The following STX18 variants were observed in gnomAD, a reference collection of about 807,000 sequenced individuals.
STX18 encodes the protein syntaxin 18.
A neutral mutation model predicts 50.1 loss-of-function variants in STX18; 40 were observed. The ratio of observed to expected loss-of-function variants is 0.80; its 90% CI spans 0.62 to 1.04. The LOEUF (loss-of-function observed/expected upper bound fraction) is 1.04. Ranked by LOEUF, STX18 falls within the 50% of genes least tolerant of loss-of-function variation. The pLI is 0.00. For missense variants in STX18, 410 were observed against 415.8 expected (o/e 0.99, Z 0.12); for synonymous variants, 158 against 151.8 (o/e 1.04, Z -0.30).
At chr4:4,534,986 G>T (rs1004684109) in intron 1 of STX18, among the ~76,000 whole-genome samples, 1 of 152,146 alleles carries the variant, frequency 6.6e-6, no homozygotes, top group Non-Finnish European at 1.5e-5. Flanking sequence ...CCCTCACCCG[G>T]GCCTCCTCCA....
At chr4:4,518,563 T>C (rs1038047370) in intron 1 of STX18, among the ~76,000 whole-genome samples, 1 of 152,290 alleles carries the variant, frequency 6.6e-6, no homozygotes, top group African/African-American at 2.4e-5. Flanking sequence ...TTACCAAAAA[T>C]TGTGCCTTAA....
At chr4:4,461,574 G>C (rs1727380542) in intron 2 of STX18, among the ~76,000 whole-genome samples, 1 of 152,198 alleles carries the variant, frequency 6.6e-6, no homozygotes, top group Admixed American at 6.5e-5. Context: ...TCAATTCCAT[G>C]ATCATACTCC....
intron 7 of STX18, among the ~76,000 whole-genome samples, chr4:4,429,673 G>A (rs1205458004): frequency 6.6e-6 from 1 of 152,218 alleles, no homozygotes; most frequent in African/African-American, 2.4e-5. Flanking sequence ...TGTGACAGTA[G>A]ACGGACTCTG....
chr4:4,434,746 T>C (rs779910141), intron 7 of STX18, 24 bp downstream of exon 7: 5 of 1,579,594 alleles, frequency 3.2e-6, no homozygotes, highest in Non-Finnish European at 4.3e-6. Context: ...TAAAAATAAA[T>C]AATTAGGCAG....
chr4:4,485,415 C>T (rs992787797), intron 1 of STX18, among the ~76,000 whole-genome samples: 22 of 152,204 alleles, frequency 1.4e-4, no homozygotes, highest in Non-Finnish European at 2.8e-4. Flanking sequence ...GGCCACAAGG[C>T]CACTCTGGAC....
At chr4:4,449,026 T>TCCCTTGGA (rs1455363290) in intron 5 of STX18, among the ~76,000 whole-genome samples, 8 of 147,946 alleles carry the variant, frequency 5.4e-5, no homozygotes, top group African/African-American at 2.0e-4. Context: ...CTTCCATTTC[T>TCCCTTGGA]CCCTTGGACC....
At chr4:4,535,943 A>C (rs1731309209) in intron 1 of STX18, among the ~76,000 whole-genome samples, 1 of 152,252 alleles carries the variant, frequency 6.6e-6, no homozygotes, top group Non-Finnish European at 1.5e-5. Context: ...CAACACTGGC[A>C]CAGAAAGTCA....
chr4:4,466,489 G>A (rs79446193), intron 2 of STX18, among the ~76,000 whole-genome samples: 175 of 152,310 alleles, frequency 1.1e-3, no homozygotes, highest in African/African-American at 4.1e-3. Context: ...CATCTACGAT[G>A]ATAAGGACTA....
Position 4,419,082 on chromosome 4 carries a change from T to C in STX18, c.*952A>G, listed in dbSNP as rs2108763191. On this transcript the variant is annotated 3_prime_UTR_variant, in exon 11 of 11. Transcript: ENST00000306200. ...TACCTGTGCTGCCCAGTGGACTGTC[T>C]GTACACACACGCATTTCACCAGGCG... 6.6e-6 allele frequency: 1 copy of C among 152,402 alleles called. No homozygotes were observed. The allele number at this position is 152,402 out of a possible 1,614,324, so 9.4% of individuals were successfully genotyped here. A position where few individuals can be genotyped will look rare whatever the true frequency, so the allele number is the denominator to read the frequency against.
intron 9 of STX18, among the ~76,000 whole-genome samples, chr4:4,422,218 A>G (rs998690122): frequency 5.9e-5 from 9 of 151,272 alleles, no homozygotes; most frequent in Non-Finnish European, 1.0e-4. Flanking sequence ...AATATGAACT[A>G]CAATGCAACA....
At position 4,471,658 on chromosome 4, in the gene STX18, C is replaced by A. The variant is rs773369139; in HGVS notation, c.217G>T (p.Asp73Tyr). The A allele has an allele frequency of 3.2e-6, 5 of 1,580,536 alleles. No homozygotes were observed. The Admixed American group carries it at 1.0e-4, about 32-fold the overall frequency. ...LRDFLLEHRK[D>Y]YINAYSHTMS... ...ACTTACCTATAAGCATTAATATAATCTTTCCTGTGTTCCAGAAGAAAATCT... is the reference window on the plus strand; with the variant it reads ...ACTTACCTATAAGCATTAATATAATATTTCCTGTGTTCCAGAAGAAAATCT... Residue 73 changes from aspartate to tyrosine, a missense_variant, in exon 2 of 11, where the codon GAT (aspartate) becomes TAT (tyrosine). Transcript: ENST00000306200.
Position 4,457,514 on chromosome 4 carries a change from A to T in STX18, c.353-14T>A. ...TCTCCTTGTGAGCTGTAACAGAAAAAGACAATGTTCAGGCCTTCGCACTCA... is the reference window on the plus strand; with the variant it reads ...TCTCCTTGTGAGCTGTAACAGAAAATGACAATGTTCAGGCCTTCGCACTCA... On this transcript the variant is annotated splice_polypyrimidine_tract_variant and intron_variant, in intron 3 of 10. Transcript: ENST00000306200. 1 of 1,610,754 alleles carries T rather than the reference A, an allele frequency of 6.2e-7. No homozygotes were observed. Among genetic ancestry groups the T allele is most frequent in the Non-Finnish European group, 8.5e-7 (1 of 1,177,474 alleles).
chr4:4,530,593 AAAAAG>A (rs951755340), intron 1 of STX18, among the ~76,000 whole-genome samples: 12 of 152,092 alleles, frequency 7.9e-5, no homozygotes, highest in Non-Finnish European at 1.8e-4. Context: ...GCTTTGTGAA[AAAAAG>A]AAAAGAAAAG....
intron 1 of STX18, among the ~76,000 whole-genome samples, chr4:4,480,020 T>C (rs1456060747): frequency 6.6e-6 from 1 of 152,138 alleles, no homozygotes; most frequent in Non-Finnish European, 1.5e-5. Flanking sequence ...AAAACAGAGG[T>C]TGCCCAAAGC....
intron 1 of STX18, among the ~76,000 whole-genome samples, chr4:4,484,993 T>C (rs922493798): frequency 3.3e-5 from 5 of 152,198 alleles, no homozygotes; most frequent in African/African-American, 7.2e-5. Context: ...CGCACTGCTT[T>C]GCGTTTCAAT....
At position 4,442,612 on chromosome 4, in the gene STX18, G is replaced by A. The variant is rs78155929; in HGVS notation, c.498-4103C>T. On this transcript the variant is annotated intron_variant, in intron 5 of 10. Transcript: ENST00000306200. Reference sequence around the variant, plus strand: ...AGCCTGGGCGAAAGAACGAGAGTCCGTATCAAAACAAAACAAAACAAACGA... The same window carrying A: ...AGCCTGGGCGAAAGAACGAGAGTCCATATCAAAACAAAACAAAACAAACGA... Among the ~76,000 whole-genome samples, 442 of 151,954 alleles carry A rather than the reference G, an allele frequency of 2.9e-3. 4 individuals carry two copies. Among genetic ancestry groups the A allele is most frequent in the African/African-American group, 0.01 (427 of 41,346 alleles).
chr4:4,487,904 C>A (rs1728768338), intron 1 of STX18, among the ~76,000 whole-genome samples: 1 of 152,086 alleles, frequency 6.6e-6, no homozygotes, highest in African/African-American at 2.4e-5. Flanking sequence ...CCTAGCTCAA[C>A]AAATGTCTAG....
At chr4:4,421,014 C>A in intron 9 of STX18, 70 bp from the exon 10 acceptor site, 1 of 1,437,192 alleles carries the variant, frequency 7.0e-7, no homozygotes, top group South Asian at 1.1e-5. Flanking sequence ...AATGCTCCAA[C>A]GAGCATTTCC....
rs1242920146 is a variant in STX18 at position 4,471,630 on chromosome 4, T to C, written c.236+9A>G. On this transcript the variant is annotated intron_variant, in intron 2 of 10. Coordinates refer to ENST00000306200, the MANE Select transcript of STX18 (RefSeq NM_016930.4). ...TCACCAAAGTCCTGGTAAAAAAATA[T>C]GTACTTACCTATAAGCATTAATATA... The C allele has an allele frequency of 1.3e-6, 2 of 1,536,150 alleles. No individual in the cohort carries two copies. Among genetic ancestry groups the C allele is most frequent in the Non-Finnish European group, 1.7e-6 (2 of 1,145,262 alleles).
Sources: allele counts gnomAD v4.1 joint callset (sites outside exome capture counted in the v4.1 genomes callset), GRCh38; gene constraint gnomAD v4.1.1; transcripts MANE v1.5; gene names NCBI Gene and HGNC (gene_info 2026-07-23, HGNC 2026-07-21).